The following CXADR variants were observed in gnomAD, a reference collection of about 807,000 sequenced individuals.
The protein encoded by CXADR is CXADR cell adhesion molecule, also known as coxsackievirus and adenovirus receptor.
A neutral mutation model predicts 40.3 loss-of-function variants in CXADR; 20 were observed. That is an observed-to-expected ratio of 0.50 (90% CI 0.35 to 0.72). The LOEUF is 0.72. Among genes scored for constraint, CXADR ranks in the 30% least tolerant of loss-of-function variants. The pLI is 0.01. For missense variants in CXADR, 332 were observed against 449.1 expected (o/e 0.74, Z 2.36); for synonymous variants, 150 against 161.3 (o/e 0.93, Z 0.53).
At chr21:17,542,055 T>A (rs990238314) in intron 1 of CXADR, 3 of 358,452 alleles carry the variant, frequency 8.4e-6, no homozygotes, top group African/African-American at 4.4e-5. Context: ...GATTTTTTAA[T>A]AAGATTTTTA....
At chr21:17,605,559 A>T in the CXADR span, among the ~76,000 whole-genome samples, 1 of 152,216 alleles carries the variant, frequency 6.6e-6, no homozygotes, top group Non-Finnish European at 1.5e-5. Context: ...TGATTAAAAT[A>T]CCTAACTAAC....
Position 17,553,707 on chromosome 21 carries a change from C to T in CXADR, c.415+1754C>T, listed in dbSNP as rs1314368905. Among the ~76,000 whole-genome samples the T allele has an allele frequency of 4.0e-5, 6 of 151,634 alleles. No homozygotes were observed. In the South Asian group the frequency reaches 6.3e-4, roughly 16 times the overall value. The stretch of plus-strand genomic sequence containing the variant: ...CATGATCTCGGCTCACGGCAACCTC[C>T]GCCTCCTGGGTTCAAGCAATACTCT... On this transcript the variant is annotated intron_variant, in intron 3 of 6. Coordinates refer to ENST00000284878, the MANE Select transcript of CXADR (RefSeq NM_001338.5).
chr21:17,541,456 CT>C (rs1453795291), intron 1 of CXADR, among the ~76,000 whole-genome samples: 2 of 151,972 alleles, frequency 1.3e-5, no homozygotes, highest in East Asian at 3.9e-4. Context: ...ACCCGGGAGG[CT>C]TGAGGCAGGA....
intron 6 of CXADR, among the ~76,000 whole-genome samples, chr21:17,563,974 T>G (rs1360992698): frequency 1.9e-5 from 2 of 107,668 alleles, no homozygotes; most frequent in Non-Finnish European, 4.7e-5. Flanking sequence ...TATTGATACA[T>G]TTGCTTGACA....
chr21:17,514,569 A>G (rs2060435366), intron 1 of CXADR, among the ~76,000 whole-genome samples: 1 of 142,400 alleles, frequency 7.0e-6, no homozygotes, highest in African/African-American at 3.1e-5. Context: ...CTCTGGGAAA[A>G]AAAAAAAAAA....
intron 1 of CXADR, among the ~76,000 whole-genome samples, chr21:17,528,478 T>C (rs571631291): frequency 6.6e-6 from 1 of 151,972 alleles, no homozygotes; most frequent in African/African-American, 2.4e-5. Flanking sequence ...CGATCTCGGC[T>C]CACCGTAACC....
chr21:17,571,595 A>G (rs1329595033), downstream of CXADR, among the ~76,000 whole-genome samples: 5 of 152,206 alleles, frequency 3.3e-5, no homozygotes, highest in African/African-American at 4.8e-5. Context: ...TAATTTCAAG[A>G]TGCAGTAATA....
intron 1 of CXADR, among the ~76,000 whole-genome samples, chr21:17,539,403 T>C (rs1053937055): frequency 3.3e-5 from 5 of 152,238 alleles, no homozygotes; most frequent in African/African-American, 9.6e-5. Flanking sequence ...CCCTATTACC[T>C]AAACAGACTT....
At chr21:17,598,675 C>T in the CXADR span, 4 of 1,614,102 alleles carry the variant, frequency 2.5e-6, no homozygotes, top group Admixed American at 1.7e-5. Flanking sequence ...CATTTCCTTA[C>T]TTGTTTCTTC....
chr21:17,544,007 T>TAA (rs113445498), intron 1 of CXADR, among the ~76,000 whole-genome samples: 72 of 151,922 alleles, frequency 4.7e-4, no homozygotes, highest in African/African-American at 9.9e-4. Context: ...CTTAAAAAAA[T>TAA]AAAAAATAGA....
chr21:17,610,794 C>G, the CXADR span, among the ~76,000 whole-genome samples: 2 of 152,198 alleles, frequency 1.3e-5, no homozygotes, highest in African/African-American at 4.8e-5. Context: ...AGTTTGTGTT[C>G]CCACATTTCC....
At chr21:17,589,149 CATATT>C (rs748314476) in intron 7 of CXADR, among the ~76,000 whole-genome samples, 3 of 152,034 alleles carry the variant, frequency 2.0e-5, no homozygotes, top group African/African-American at 4.8e-5. Flanking sequence ...TGAATATTAT[CATATT>C]ATATATAATG....
the CXADR span, among the ~76,000 whole-genome samples, chr21:17,611,118 T>G: frequency 6.6e-6 from 1 of 152,146 alleles, no homozygotes; most frequent in Non-Finnish European, 1.5e-5. Context: ...CTGTGCAGCC[T>G]CCTCCTGAAA....
intron 2 of CXADR, 93 bp downstream of exon 2, chr21:17,547,286 G>A (rs1248349497): frequency 6.5e-7 from 1 of 1,540,302 alleles, no homozygotes; most frequent in Non-Finnish European, 8.8e-7. Flanking sequence ...GGGCTGCAGG[G>A]AGCTAGGAAG....
At chr21:17,530,590 T>C (rs2060661011) in intron 1 of CXADR, 1 of 286,918 alleles carries the variant, frequency 3.5e-6, no homozygotes, top group Non-Finnish European at 7.0e-6. Context: ...AAGATGGGCC[T>C]ATCACTTGAG....
rs189545149 is a variant in CXADR, at chr21:17,532,280, C to T, written c.44-14747C>T. On this transcript the variant is annotated intron_variant, in intron 1 of 6. Coordinates refer to ENST00000284878, the MANE Select transcript of CXADR (RefSeq NM_001338.5). Reference sequence around the variant, plus strand: ...TTTTTTGAGGGCTTGATCTTTTAGTCTCTGGTGTTTGGCTATAAGATTTTT... The same window carrying T: ...TTTTTTGAGGGCTTGATCTTTTAGTTTCTGGTGTTTGGCTATAAGATTTTT... Among the ~76,000 whole-genome samples, 656 of 152,150 alleles carry T rather than the reference C, an allele frequency of 4.3e-3. 1 individual carries two copies. The highest frequency in any genetic ancestry group is 6.1e-3 in the Admixed American group (93 of 15,270).
At chr21:17,580,759 T>A (rs1347868907) in intron 7 of CXADR, among the ~76,000 whole-genome samples, 1 of 152,154 alleles carries the variant, frequency 6.6e-6, no homozygotes, top group Non-Finnish European at 1.5e-5. Flanking sequence ...TAATACAATG[T>A]TTCTTTTTTG....
downstream of CXADR, chr21:17,594,277 T>C (rs777512668): frequency 6.2e-6 from 10 of 1,613,086 alleles, no homozygotes; most frequent in South Asian, 1.1e-4. Flanking sequence ...CATTCCTGGC[T>C]TTTTTCTGGG....
chr21:17,598,250 G>T (rs950227777), downstream of CXADR, among the ~76,000 whole-genome samples: 1 of 152,046 alleles, frequency 6.6e-6, no homozygotes, highest in Admixed American at 6.6e-5. Context: ...CATGGAACGG[G>T]AGAGAATAGA....
Sources: allele counts gnomAD v4.1 joint callset (sites outside exome capture counted in the v4.1 genomes callset), GRCh38; gene constraint gnomAD v4.1.1; transcripts MANE v1.5; gene names NCBI Gene and HGNC (gene_info 2026-07-23, HGNC 2026-07-21).